Variants in ADGRA3 observed in about 807,000 individuals in gnomAD.
ADGRA3 encodes G-protein coupled receptor 125.
A neutral mutation model predicts 119.8 loss-of-function variants in ADGRA3; 56 were observed. That is an observed-to-expected ratio of 0.47 (90% CI 0.38 to 0.58). The LOEUF (loss-of-function observed/expected upper bound fraction) is 0.58, where lower values mean the gene tolerates loss of function less well. ADGRA3 is among the 20% of genes least tolerant of loss of function. The probability of loss-of-function intolerance (pLI) is 0.00; values close to 1 mark genes in which losing one functional copy is unlikely to be tolerated. For missense variants in ADGRA3, 1,516 were observed against 1,649.0 expected (o/e 0.92, Z 1.40); for synonymous variants, 607 against 623.8 (o/e 0.97, Z 0.40).
chr4:22,481,584 C>T (rs1718262506), intron 1 of ADGRA3, among the ~76,000 whole-genome samples: 1 of 152,106 alleles, frequency 6.6e-6, no homozygotes, highest in Admixed American at 6.6e-5. Context: ...TTGTTGATGG[C>T]TGCTTTTTAT....
At chr4:22,407,894 T>C (rs897034748) in intron 14 of ADGRA3, among the ~76,000 whole-genome samples, 1 of 152,110 alleles carries the variant, frequency 6.6e-6, no homozygotes, top group African/African-American at 2.4e-5. Flanking sequence ...AATAAGCAAT[T>C]GTCTAAGTAC....
rs1325691171 is a variant in ADGRA3 at position 22,391,109 on chromosome 4, GT to G, written c.2627+1435del. Among the ~76,000 whole-genome samples, 3 of 152,080 alleles carry G rather than the reference GT, an allele frequency of 2.0e-5. No homozygotes were observed. In the East Asian group the frequency reaches 5.8e-4, roughly 29 times the overall value. On this transcript the variant is annotated intron_variant, in intron 17 of 18. Transcript: ENST00000334304. ...TCTATTAAACATTAATAAGGTCCAA[GT>G]ATCGTTCTTTTCTTAACTAACTTCT...
Position 22,484,480 on chromosome 4 carries a change from C to T in ADGRA3, c.258-10637G>A, listed in dbSNP as rs556335571. ...ATTATCCGGGCGTGTTGGTGCATGC[C>T]TGTAATCCCAGCTACTAGGAAGGCT... On this transcript the variant is annotated intron_variant, in intron 1 of 18. Transcript: ENST00000334304. Among the ~76,000 whole-genome samples, 7 of 152,072 alleles carry T rather than the reference C, an allele frequency of 4.6e-5. No individual in the cohort carries two copies. In the South Asian group the frequency reaches 1.5e-3, roughly 32 times the overall value.
chr4:22,479,702 T>C (rs1309419666), intron 1 of ADGRA3, among the ~76,000 whole-genome samples: 1 of 152,112 alleles, frequency 6.6e-6, no homozygotes, highest in African/African-American at 2.4e-5. Context: ...CACACGTATG[T>C]TTACTGCAGC....
In ADGRA3 at chr4:22,501,297, C is replaced by T. The variant is rs568482102; in HGVS notation, c.257+14231G>A. Among the ~76,000 whole-genome samples the T allele has an allele frequency of 1.3e-4, 19 of 151,940 alleles. No homozygotes were observed. The South Asian group carries it at 3.1e-3, about 25-fold the overall frequency. On this transcript the variant is annotated intron_variant, in intron 1 of 18. Transcript: ENST00000334304. ...CTATGAAATTAATTTCATGAGAAGG[C>T]TAAAGACAAGTGTTTTCTGAAATCC...
intron 1 of ADGRA3, among the ~76,000 whole-genome samples, chr4:22,500,155 C>T (rs1267401212): frequency 6.7e-6 from 1 of 149,920 alleles, no homozygotes; most frequent in Non-Finnish European, 1.5e-5. Flanking sequence ...TGAAGGAATG[C>T]TTCCATGTAA....
chr4:22,499,276 A>G (rs1193644625), intron 1 of ADGRA3, among the ~76,000 whole-genome samples: 1 of 152,240 alleles, frequency 6.6e-6, no homozygotes, highest in African/African-American at 2.4e-5. Flanking sequence ...GTTTGGTTTC[A>G]TATGTAAAAT....
In ADGRA3 at chr4:22,424,225, T is replaced by C; in HGVS notation, c.1571A>G (p.Tyr524Cys). The part of the protein sequence containing the change: ...IVQCLQRIAT[Y>C]RLAGGAHVYS... Reference sequence around the variant, plus strand: ...AACGTGAGCTCCACCGGCTAGCCGGTAGGTAGCAATGCGCTGAAGACACTG... The same window carrying C: ...AACGTGAGCTCCACCGGCTAGCCGGCAGGTAGCAATGCGCTGAAGACACTG... Residue 524 changes from tyrosine to cysteine, a missense_variant, in exon 11 of 19, where the codon TAC (tyrosine) becomes TGC (cysteine). Physicochemically the swap from Tyr to Cys is radical, Grantham distance 194. Transcript: ENST00000334304. 3.1e-6 allele frequency: 5 copies of C among 1,612,644 alleles called. No individual in the cohort carries two copies. Among genetic ancestry groups the C allele is most frequent in the Non-Finnish European group, 4.2e-6 (5 of 1,179,440 alleles).
Position 22,389,073 on chromosome 4 carries a change from A to C in ADGRA3, c.2723+15T>G, listed in dbSNP as rs1444248093. On this transcript the variant is annotated intron_variant, in intron 18 of 18. Transcript: ENST00000334304. ...AACAACTGGGTCAAGTACACAGAGA[A>C]TATAAAATACTCACTAGGGTGCGTT... is the stretch of plus-strand genomic sequence containing the variant. The C allele has an allele frequency of 1.2e-6, 2 of 1,609,238 alleles. No individual in the cohort carries two copies. Among genetic ancestry groups the C allele is most frequent in the Admixed American group, 3.3e-5 (2 of 59,854 alleles).
chr4:22,439,939 T>C (rs1577349869), intron 7 of ADGRA3, among the ~76,000 whole-genome samples: 1 of 152,198 alleles, frequency 6.6e-6, no homozygotes, highest in Non-Finnish European at 1.5e-5. Context: ...AATACTTTAG[T>C]AGCCATTTGA....
chr4:22,482,327 T>G (rs1389745700), intron 1 of ADGRA3, among the ~76,000 whole-genome samples: 1 of 152,156 alleles, frequency 6.6e-6, no homozygotes, highest in Non-Finnish European at 1.5e-5. Flanking sequence ...GTGATCATAT[T>G]GTGCAGTGAA....
In ADGRA3 at chr4:22,387,872, T is replaced by G; in HGVS notation, c.3799A>C (p.Arg1267=). 1 of 1,614,182 alleles carries G rather than the reference T, an allele frequency of 6.2e-7. No individual in the cohort carries two copies. The highest frequency in any genetic ancestry group is 8.5e-7 in the Non-Finnish European group (1 of 1,180,014). The change falls in exon 19 of 19, where the codon AGG becomes CGG. Residue 1267 remains arginine, a synonymous_variant. Transcript: ENST00000334304. ...VSTTSKKDAL[R]KPAVVELENQ... ...TCAAGTTCAACCACAGCTGGCTTCC[T>G]TAACGCATCTTTTTTACTAGTGGTT...
intron 5 of ADGRA3, 46 bp from the exon 6 acceptor site, chr4:22,445,179 A>C (rs1716786383): frequency 4.5e-6 from 7 of 1,568,972 alleles, no homozygotes; most frequent in Middle Eastern, 1.7e-4. Flanking sequence ...AATAAAATTA[A>C]ATAGCACTTT....
intron 1 of ADGRA3, among the ~76,000 whole-genome samples, chr4:22,501,243 C>T (rs1394400373): frequency 6.6e-6 from 1 of 152,156 alleles, no homozygotes; most frequent in Non-Finnish European, 1.5e-5. Flanking sequence ...GGTAACTCTA[C>T]AGGGGTTCCA....
chr4:22,452,808 ATTTTG>A (rs1167277348), intron 4 of ADGRA3, among the ~76,000 whole-genome samples: 1 of 152,198 alleles, frequency 6.6e-6, no homozygotes, highest in Non-Finnish European at 1.5e-5. Flanking sequence ...CCACTTTACT[ATTTTG>A]TTTTTCATTA....
chr4:22,426,904 G>C (rs1715962754), intron 10 of ADGRA3, among the ~76,000 whole-genome samples: 1 of 152,134 alleles, frequency 6.6e-6, no homozygotes, highest in South Asian at 2.1e-4. Flanking sequence ...GGGGGTGAAT[G>C]TCATTCTACT....
chr4:22,450,951 A>ATATATAT (rs1553877239), intron 4 of ADGRA3, among the ~76,000 whole-genome samples: 116 of 122,768 alleles, frequency 9.4e-4, no homozygotes, highest in African/African-American at 3.6e-3. Context: ...AAAAAAAAAA[A>ATATATAT]ATATATATAT....
chr4:22,390,744 T>TCTC (rs200560387), intron 17 of ADGRA3, among the ~76,000 whole-genome samples: 2,235 of 152,172 alleles, frequency 0.015, 54 homozygotes, highest in African/African-American at 0.05. Context: ...TTGAGCTGTC[T>TCTC]AATGCAAAGA....
chr4:22,500,409 C>T (rs1719011289), intron 1 of ADGRA3, among the ~76,000 whole-genome samples: 1 of 152,082 alleles, frequency 6.6e-6, no homozygotes, highest in Non-Finnish European at 1.5e-5. Flanking sequence ...AGAGGTTATG[C>T]GGGGAGCATT....
Sources: gnomAD v4.1 joint callset for allele counts (sites outside exome capture counted in the v4.1 genomes callset) on GRCh38, gnomAD v4.1.1 for gene constraint, MANE v1.5 for transcripts, NCBI Gene and HGNC (gene_info 2026-07-23, HGNC 2026-07-21) for gene names.